The following ME2 variants were observed in gnomAD, a reference collection of about 807,000 sequenced individuals.
ME2 encodes malic enzyme 2, also known as NAD-dependent malic enzyme, mitochondrial.
A neutral mutation model predicts 73.7 loss-of-function variants in ME2; 60 were observed. That is an observed-to-expected ratio of 0.81 (90% CI 0.66 to 1.01). The LOEUF (loss-of-function observed/expected upper bound fraction) is 1.01. Among genes scored for constraint, ME2 ranks in the 50% least tolerant of loss-of-function variants. The pLI, the probability that ME2 is intolerant of heterozygous loss-of-function variation, is 0.00. For synonymous variants in ME2, 199 were observed against 236.9 expected (o/e 0.84, Z 1.47); for missense variants, 594 against 705.5 (o/e 0.84, Z 1.79).
intron 5 of ME2, 191 bp from the exon 6 acceptor site, chr18:50,917,156 G>A: frequency 2.2e-6 from 1 of 452,940 alleles, no homozygotes; most frequent in Non-Finnish European, 4.0e-6. Flanking sequence ...TCTAGTTAAT[G>A]TCTCATAATA....
rs532653143 is a variant in ME2, at chr18:50,882,081, C to T, written c.-13+2773C>T. Among the ~76,000 whole-genome samples the T allele has an allele frequency of 2.0e-5, 3 of 152,274 alleles. No homozygotes were observed. The East Asian group carries it at 5.8e-4, about 29-fold the overall frequency. On this transcript the variant is annotated intron_variant, in intron 1 of 15. Coordinates refer to ENST00000321341, the MANE Select transcript of ME2 (RefSeq NM_002396.5). ...TGGTGCTGTTATGGTTCACTGCAAC[C>T]TCAACCTCCCATGCTCAAGCCATCC...
Position 50,949,492 on chromosome 18 carries a change from C to A in ME2, c.*2308C>A, listed in dbSNP as rs1053718990. 2.6e-5 allele frequency: 4 copies of A among 152,106 alleles called. No individual in the cohort carries two copies. Among genetic ancestry groups the A allele is most frequent in the African/African-American group, 9.7e-5 (4 of 41,404 alleles). 9.4% of individuals were successfully genotyped at this position (152,106 alleles called of 1,614,324 possible). ...TGGACTAAAGGTGTGCACCACCGCA[C>A]CTGGCTGAGAGGCTTCTGTTTTTCA... On this transcript the variant is annotated 3_prime_UTR_variant, in exon 16 of 16. Transcript: ENST00000321341.
chr18:50,910,869 GGAAATAAAGA>G (rs1917140834), intron 3 of ME2, among the ~76,000 whole-genome samples: 1 of 152,142 alleles, frequency 6.6e-6, no homozygotes, highest in Non-Finnish European at 1.5e-5. Context: ...ATTCAGAGCA[GGAAATAAAGA>G]GGATCCTGAA....
intron 2 of ME2, among the ~76,000 whole-genome samples, chr18:50,904,324 G>C (rs888042351): frequency 6.6e-5 from 10 of 150,790 alleles, no homozygotes; most frequent in Admixed American, 4.0e-4. Flanking sequence ...TGTCAGCCAG[G>C]CTGGAGTGCA....
intron 15 of ME2, 26 bp from the exon 16 acceptor site, chr18:50,946,990 TA>T (rs1407663117): frequency 6.4e-7 from 1 of 1,570,916 alleles, no homozygotes; most frequent in Non-Finnish European, 8.8e-7. Flanking sequence ...ACTCAGAGCC[TA>T]CACAATAACC....
chr18:50,940,503 G>A, intron 15 of ME2, 117 bp downstream of exon 15: 1 of 705,902 alleles, frequency 1.4e-6, no homozygotes. Context: ...AGAAATTTTA[G>A]GCCCATATTC....
chr18:50,904,525 C>T (rs903721204), intron 2 of ME2, among the ~76,000 whole-genome samples: 3 of 152,024 alleles, frequency 2.0e-5, no homozygotes, highest in African/African-American at 7.2e-5. Context: ...CCTTGTGATC[C>T]GCCTGCCTCC....
At chr18:50,935,957 A>G (rs1917809576) in intron 13 of ME2, among the ~76,000 whole-genome samples, 1 of 152,092 alleles carries the variant, frequency 6.6e-6, no homozygotes, top group Non-Finnish European at 1.5e-5. Flanking sequence ...AGCAGAGGCA[A>G]CATGTGCCGG....
chr18:50,900,873 A>T (rs1292592451), intron 2 of ME2, among the ~76,000 whole-genome samples: 1 of 152,138 alleles, frequency 6.6e-6, no homozygotes, highest in Non-Finnish European at 1.5e-5. Flanking sequence ...AAGTTTCCTG[A>T]GGTCTCCCCA....
intron 1 of ME2, among the ~76,000 whole-genome samples, chr18:50,883,084 A>G (rs1916362203): frequency 6.6e-6 from 1 of 152,250 alleles, no homozygotes; most frequent in African/African-American, 2.4e-5. Context: ...TAATATTATG[A>G]AAAACTATAT....
At chr18:50,890,580 C>G (rs1916585197) in intron 1 of ME2, among the ~76,000 whole-genome samples, 1 of 152,076 alleles carries the variant, frequency 6.6e-6, no homozygotes, top group Non-Finnish European at 1.5e-5. Flanking sequence ...TTAGTTTTAT[C>G]TATATCATTT....
intron 3 of ME2, among the ~76,000 whole-genome samples, chr18:50,910,750 G>C (rs1051147036): frequency 6.6e-6 from 1 of 152,150 alleles, no homozygotes; most frequent in African/African-American, 2.4e-5. Context: ...ACTATCTCTG[G>C]TGGAAAGGCA....
chr18:50,947,363 T>C lies in ME2; in HGVS notation c.*179T>C. The C allele has an allele frequency of 1.7e-6, 1 of 594,930 alleles. No individual in the cohort carries two copies. The allele number at this position is 594,930 out of a possible 1,614,324, so 36.9% of individuals were successfully genotyped here. On this transcript the variant is annotated 3_prime_UTR_variant, in exon 16 of 16. Transcript: ENST00000321341. The stretch of plus-strand genomic sequence containing the variant: ...GGGGTAGACGTGTTGATTGATTGCA[T>C]TGCCCACCAGCACCCTACAGTCAGA...
At position 50,950,573 on chromosome 18, in the gene ME2, T is replaced by C. The variant is rs2851741; in HGVS notation, c.*3389T>C. The C allele has an allele frequency of 0.69, 102,064 of 148,160 alleles. 35,572 individuals are homozygous for C. The highest frequency in any genetic ancestry group is 0.8 in the African/African-American group (32,145 of 39,996). 9.2% of individuals were successfully genotyped at this position (148,160 alleles called of 1,614,324 possible). A position where few individuals can be genotyped will look rare whatever the true frequency, so the allele number is the denominator to read the frequency against. On this transcript the variant is annotated 3_prime_UTR_variant, in exon 16 of 16. Coordinates refer to ENST00000321341, the MANE Select transcript of ME2 (RefSeq NM_002396.5). ...GATCTTGGCTCACTGCAACCTCCAC[T>C]TCCTGGGCTCAAACGATCCTCCCGC...
intron 4 of ME2, chr18:50,913,412 C>T (rs189147681): frequency 6.5e-6 from 1 of 153,044 alleles, no homozygotes; most frequent in East Asian, 1.9e-4. Flanking sequence ...TGGCTCACTG[C>T]AACCTCTGCC....
In ME2 at chr18:50,917,838, G is replaced by A. The variant is rs565099322; in HGVS notation, c.631-272G>A. 2.5e-3 allele frequency among the ~76,000 whole-genome samples: 382 copies of A among 152,104 alleles called. 2 individuals are homozygous for A. The highest frequency in any genetic ancestry group is 3.0e-3 in the Non-Finnish European group (201 of 68,002). ...AATACAAAAAAAATTAGCTGGGCGT[G>A]GTGGCACATGCTTGTAATCCCAGCT... is the stretch of plus-strand genomic sequence containing the variant. On this transcript the variant is annotated intron_variant, in intron 6 of 15. Coordinates refer to ENST00000321341, the MANE Select transcript of ME2 (RefSeq NM_002396.5).
At chr18:50,944,176 T>C (rs1267903939) in intron 15 of ME2, among the ~76,000 whole-genome samples, 1 of 152,150 alleles carries the variant, frequency 6.6e-6, no homozygotes, top group Admixed American at 6.5e-5. Context: ...ATCATACCAC[T>C]GCACTCCAGT....
intron 12 of ME2, among the ~76,000 whole-genome samples, chr18:50,927,328 T>C (rs771253711): frequency 7.2e-5 from 11 of 152,284 alleles, no homozygotes; most frequent in Admixed American, 1.3e-4. Flanking sequence ...TTTTTTAATC[T>C]TCACTCCTTT....
intron 12 of ME2, among the ~76,000 whole-genome samples, chr18:50,929,332 C>T (rs904069952): frequency 4.6e-5 from 7 of 151,130 alleles, no homozygotes; most frequent in African/African-American, 1.2e-4. Context: ...ACTAAAAATA[C>T]AAAAAAATTA....
Sources: gnomAD v4.1 joint callset for allele counts (sites outside exome capture counted in the v4.1 genomes callset) on GRCh38, gnomAD v4.1.1 for gene constraint, MANE v1.5 for transcripts, NCBI Gene and HGNC (gene_info 2026-07-23, HGNC 2026-07-21) for gene names.